The following WDR70 variants were observed in gnomAD, a reference collection of about 807,000 sequenced individuals.
WDR70 encodes the protein WD repeat domain 70.
In WDR70, 53 loss-of-function variants were observed where a neutral mutation model predicts 88.6. That is an observed-to-expected ratio of 0.60 (90% CI 0.48 to 0.75). The LOEUF is 0.75. WDR70 is among the 30% of genes least tolerant of loss of function. WDR70 has a pLI of 0.00. For missense variants in WDR70, 610 were observed against 823.2 expected (o/e 0.74, Z 3.17); for synonymous variants, 280 against 270.0 (o/e 1.04, Z -0.36).
intron 7 of WDR70, among the ~76,000 whole-genome samples, chr5:37,463,827 GCT>G (rs1167591230): frequency 6.6e-6 from 1 of 152,168 alleles, no homozygotes; most frequent in Non-Finnish European, 1.5e-5. Flanking sequence ...TAACTCTGTG[GCT>G]AGCAGACTTA....
intron 10 of WDR70, among the ~76,000 whole-genome samples, chr5:37,694,261 T>C (rs182089142): frequency 1.3e-5 from 2 of 152,262 alleles, no homozygotes; most frequent in Admixed American, 1.3e-4. Flanking sequence ...GAGTTTAAAT[T>C]AGTTTAACCA....
At chr5:37,574,426 C>T (rs1253751195) in intron 9 of WDR70, among the ~76,000 whole-genome samples, 2 of 152,162 alleles carry the variant, frequency 1.3e-5, no homozygotes, top group Non-Finnish European at 2.9e-5. Context: ...TTGTCTTTTC[C>T]TTACCTTAGT....
At chr5:37,507,918 G>A (rs73749049) in intron 8 of WDR70, among the ~76,000 whole-genome samples, 2,333 of 151,856 alleles carry the variant, frequency 0.015, 51 homozygotes, top group African/African-American at 0.053. Context: ...ATTGTGTCTT[G>A]GAATGAATGT....
At chr5:37,653,621 G>T (rs933967224) in intron 10 of WDR70, among the ~76,000 whole-genome samples, 26 of 152,126 alleles carry the variant, frequency 1.7e-4, no homozygotes, top group Admixed American at 3.3e-4. Context: ...TTCAGAACTT[G>T]TTATTGGTCT....
chr5:37,730,643 A>C (rs1748119835), intron 17 of WDR70, among the ~76,000 whole-genome samples: 1 of 152,190 alleles, frequency 6.6e-6, no homozygotes, highest in Non-Finnish European at 1.5e-5. Context: ...AGTACTAACA[A>C]TGCTATAGTG....
intron 10 of WDR70, among the ~76,000 whole-genome samples, chr5:37,645,606 T>C (rs1745210801): frequency 6.6e-6 from 1 of 152,080 alleles, no homozygotes; most frequent in Admixed American, 6.5e-5. Context: ...GTTGGGTTTC[T>C]CTCTCTTTAG....
intron 9 of WDR70, among the ~76,000 whole-genome samples, chr5:37,596,219 C>G (rs1359478531): frequency 2.0e-5 from 3 of 152,078 alleles, no homozygotes; most frequent in African/African-American, 7.2e-5. Flanking sequence ...GGAAACAGTA[C>G]ACAGGAATAA....
intron 11 of WDR70, chr5:37,697,977 A>G (rs1747032210): frequency 2.5e-6 from 1 of 402,588 alleles, no homozygotes; most frequent in African/African-American, 2.0e-5. Flanking sequence ...TTTTTGGCCT[A>G]AGTTTTTCAT....
intron 9 of WDR70, among the ~76,000 whole-genome samples, chr5:37,579,490 A>G (rs964374180): frequency 1.3e-5 from 2 of 150,614 alleles, no homozygotes; most frequent in South Asian, 2.1e-4. Context: ...AGGCTGAGGC[A>G]GGAGAATCAC....
At chr5:37,432,226 G>GTTAT (rs371316701) in intron 5 of WDR70, among the ~76,000 whole-genome samples, 1 of 152,142 alleles carries the variant, frequency 6.6e-6, no homozygotes, top group African/African-American at 2.4e-5. Flanking sequence ...GTTATTTTCT[G>GTTAT]TTTATTTGAT....
At chr5:37,389,330 G>T (rs1748736512) in intron 3 of WDR70, among the ~76,000 whole-genome samples, 1 of 148,364 alleles carries the variant, frequency 6.7e-6, no homozygotes, top group Admixed American at 6.6e-5. Flanking sequence ...CTGAGCTCAT[G>T]CAAGCCACCC....
chr5:37,726,764 A>G (rs1215971220), intron 16 of WDR70, 119 bp from the exon 17 acceptor site: 3 of 1,044,342 alleles, frequency 2.9e-6, no homozygotes, highest in South Asian at 5.9e-5. Flanking sequence ...TCTAAGCTGA[A>G]AGGATGAAAT....
Position 37,574,719 on chromosome 5 carries a change from C to T in WDR70, c.918-30345C>T, listed in dbSNP as rs571289570. On this transcript the variant is annotated intron_variant, in intron 9 of 17. Transcript: ENST00000265107. ...TGATCAAAATAAAACTCTTGGTTTT[C>T]TTCTCCAAACCGGTAGCTCTCCTAT... Among the ~76,000 whole-genome samples the T allele has an allele frequency of 2.6e-5, 4 of 152,296 alleles. No homozygotes were observed. The South Asian group carries it at 8.3e-4, about 32-fold the overall frequency.
intron 9 of WDR70, among the ~76,000 whole-genome samples, chr5:37,573,356 C>G (rs1369082851): frequency 1.3e-5 from 2 of 152,076 alleles, no homozygotes; most frequent in South Asian, 4.1e-4. Flanking sequence ...CCTGTTCACC[C>G]GAATTCTCCC....
At chr5:37,522,462 CT>C (rs1741126080) in intron 9 of WDR70, among the ~76,000 whole-genome samples, 3 of 112,186 alleles carry the variant, frequency 2.7e-5, no homozygotes, top group African/African-American at 9.5e-5. Flanking sequence ...TGGAGTGAGA[CT>C]CTGTCTCAAA....
chr5:37,702,885 C>G (rs1340635128), intron 12 of WDR70, 64 bp from the exon 13 acceptor site: 5 of 1,493,842 alleles, frequency 3.3e-6, no homozygotes, highest in Non-Finnish European at 4.6e-6. Flanking sequence ...ATTTAATTCA[C>G]TAATGATTGC....
chr5:37,656,323 C>T (rs1745553242), intron 10 of WDR70, among the ~76,000 whole-genome samples: 1 of 152,136 alleles, frequency 6.6e-6, no homozygotes, highest in Admixed American at 6.5e-5. Flanking sequence ...AAGCTTCGTC[C>T]TGGGGAGGGG....
At chr5:37,514,339 C>CATACATACATAT (rs1330415670) in intron 8 of WDR70, among the ~76,000 whole-genome samples, 13 of 28,738 alleles carry the variant, frequency 4.5e-4, no homozygotes, top group African/African-American at 6.7e-4. Flanking sequence ...TTTAGAACTA[C>CATACATACATAT]ATATATATAT....
intron 13 of WDR70, among the ~76,000 whole-genome samples, chr5:37,717,064 TTA>T (rs1747674143): frequency 6.6e-6 from 1 of 152,148 alleles, no homozygotes; most frequent in African/African-American, 2.4e-5. Flanking sequence ...TTCTTGTCTC[TTA>T]TTTTTGGGCA....
Sources: allele counts gnomAD v4.1 joint callset (sites outside exome capture counted in the v4.1 genomes callset), GRCh38; gene constraint gnomAD v4.1.1; transcripts MANE v1.5; gene names NCBI Gene and HGNC (gene_info 2026-07-23, HGNC 2026-07-21).